Variants in PARP8 observed in about 807,000 individuals in gnomAD.
PARP8 encodes poly(ADP-ribose) polymerase family member 8.
Under a neutral mutation model 124.1 loss-of-function variants are expected in PARP8, and 51 were observed. The observed-to-expected ratio is 0.41, with a 90% CI of 0.33 to 0.52. PARP8 has a LOEUF of 0.52. Ranked by LOEUF, PARP8 falls within the 20% of genes least tolerant of loss-of-function variation. The probability of loss-of-function intolerance (pLI) is 0.21; values close to 1 mark genes in which losing one functional copy is unlikely to be tolerated. For synonymous variants in PARP8, 391 were observed against 361.5 expected (o/e 1.08, Z -0.93); for missense variants, 860 against 1,018.9 (o/e 0.84, Z 2.12).
chr5:50,794,587 C>T (rs776263901), intron 11 of PARP8, among the ~76,000 whole-genome samples: 3 of 151,982 alleles, frequency 2.0e-5, no homozygotes, highest in Non-Finnish European at 2.9e-5. Flanking sequence ...GTTTTTCCTA[C>T]CAAAATTAGT....
chr5:50,710,038 G>A (rs1391008290), intron 2 of PARP8, among the ~76,000 whole-genome samples: 1 of 149,530 alleles, frequency 6.7e-6, no homozygotes, highest in African/African-American at 2.5e-5. Context: ...GTATGTTTGA[G>A]ATGTTTGTGA....
chr5:50,722,796 C>T (rs537089226), intron 2 of PARP8, among the ~76,000 whole-genome samples: 8 of 152,146 alleles, frequency 5.3e-5, no homozygotes, highest in Admixed American at 4.6e-4. Context: ...TCTCTCCTAA[C>T]CCTGTAATGT....
chr5:50,701,774 G>A (rs1753621316), intron 2 of PARP8, among the ~76,000 whole-genome samples: 1 of 152,154 alleles, frequency 6.6e-6, no homozygotes, highest in African/African-American at 2.4e-5. Context: ...AGGGGCTTCA[G>A]ATAGGGTACC....
At chr5:50,677,339 C>T (rs1293778900) in intron 2 of PARP8, among the ~76,000 whole-genome samples, 1 of 151,466 alleles carries the variant, frequency 6.6e-6, no homozygotes, top group Non-Finnish European at 1.5e-5. Context: ...AAAAGTTAGT[C>T]CCTCCAGCTG....
Position 50,764,572 on chromosome 5 carries a change from C to T in PARP8, c.518+1330C>T, listed in dbSNP as rs562074985. On this transcript the variant is annotated intron_variant, in intron 7 of 25. Coordinates refer to ENST00000281631, the MANE Select transcript of PARP8 (RefSeq NM_024615.4). ...ATTGTGTACCCAGGCTGTCTCTGTT[C>T]TATTCATGAAGGTATATTAGGCTAC... Among the ~76,000 whole-genome samples the T allele has an allele frequency of 3.9e-4, 59 of 152,278 alleles. No homozygotes were observed. In the South Asian group the frequency reaches 0.011, roughly 29 times the overall value.
chr5:50,766,086 A>G (rs965035402), intron 7 of PARP8, among the ~76,000 whole-genome samples: 1 of 152,210 alleles, frequency 6.6e-6, no homozygotes, highest in Non-Finnish European at 1.5e-5. Flanking sequence ...AAATCCTGAG[A>G]TTATTGAGGC....
intron 2 of PARP8, among the ~76,000 whole-genome samples, chr5:50,712,468 T>A (rs1348682384): frequency 2.0e-5 from 3 of 152,184 alleles, no homozygotes; most frequent in Non-Finnish European, 4.4e-5. Context: ...TGTGTTAATA[T>A]CAGACAACAT....
intron 2 of PARP8, among the ~76,000 whole-genome samples, chr5:50,720,256 G>A (rs374024384): frequency 1.3e-5 from 2 of 152,044 alleles, no homozygotes; most frequent in Non-Finnish European, 2.9e-5. Context: ...GAAGTAGTAC[G>A]TTTTGGGCCC....
At chr5:50,835,147 T>C in intron 25 of PARP8, 132 bp downstream of exon 25, 1 of 669,330 alleles carries the variant, frequency 1.5e-6, no homozygotes, top group South Asian at 1.9e-5. Flanking sequence ...ACTAATGTTT[T>C]TGTTTTATTT....
chr5:50,826,645 G>A lies in PARP8; in HGVS notation c.1929-110G>A, dbSNP rs1326833993. The A allele has an allele frequency of 4.6e-6, 6 of 1,316,398 alleles. No individual in the cohort carries two copies. In the Admixed American group the frequency reaches 1.9e-4, roughly 42 times the overall value. The allele number at this position is 1,316,398 out of a possible 1,614,324, so 81.5% of individuals were successfully genotyped here. ...TGCGACTAAATGAAATTATTTCCAA[G>A]TTTAGTTTATGGCACAGCAAAAATA... On this transcript the variant is annotated intron_variant, in intron 18 of 25. Transcript: ENST00000281631.
intron 14 of PARP8, among the ~76,000 whole-genome samples, chr5:50,812,760 T>G (rs1471485566): frequency 1.3e-5 from 2 of 152,294 alleles, no homozygotes; most frequent in East Asian, 1.9e-4. Context: ...CATCTTGAAT[T>G]AATTTTTGTA....
At chr5:50,738,464 A>G (rs927926831) in intron 2 of PARP8, among the ~76,000 whole-genome samples, 1 of 152,232 alleles carries the variant, frequency 6.6e-6, no homozygotes, top group Non-Finnish European at 1.5e-5. Context: ...GGTAAAAATC[A>G]TAAAATTAAA....
rs116767798 is a variant in PARP8, at chr5:50,798,731, G to A, written c.1575+1498G>A. 9.2e-3 allele frequency among the ~76,000 whole-genome samples: 1,399 copies of A among 152,104 alleles called. 30 individuals are homozygous for A. Among genetic ancestry groups the A allele is most frequent in the African/African-American group, 0.032 (1,325 of 41,520 alleles). On this transcript the variant is annotated intron_variant, in intron 14 of 25. Transcript: ENST00000281631. ...ACCACCGCGCCTGGCCTGAGCCACCGCACCCGGCCGAAGCAGTTTCTTATT... is the reference window on the plus strand; with the variant it reads ...ACCACCGCGCCTGGCCTGAGCCACCACACCCGGCCGAAGCAGTTTCTTATT...
At chr5:50,795,848 A>G (rs1742482221) in intron 12 of PARP8, among the ~76,000 whole-genome samples, 1 of 152,260 alleles carries the variant, frequency 6.6e-6, no homozygotes, top group Admixed American at 6.5e-5. Context: ...TCAATTATAT[A>G]TAAGAGCACT....
At chr5:50,805,746 A>C (rs1465842570) in intron 14 of PARP8, among the ~76,000 whole-genome samples, 2 of 152,128 alleles carry the variant, frequency 1.3e-5, no homozygotes, top group Non-Finnish European at 2.9e-5. Context: ...ATCATCTGTC[A>C]GATATTTTAT....
intron 2 of PARP8, among the ~76,000 whole-genome samples, chr5:50,676,818 C>T (rs1485393082): frequency 6.6e-6 from 1 of 152,184 alleles, no homozygotes; most frequent in Non-Finnish European, 1.5e-5. Context: ...ATTTCTCAGA[C>T]TTTTTCCACA....
intron 2 of PARP8, chr5:50,744,623 A>G: frequency 1.5e-6 from 1 of 654,934 alleles, no homozygotes; most frequent in African/African-American, 1.8e-5. Context: ...TTCATATAAT[A>G]TATACCAAAC....
chr5:50,752,987 G>A lies in PARP8; in HGVS notation c.184+2799G>A, dbSNP rs191474326. ...TTTTAGTGAAATGAAAATTTAGAGG[G>A]CCTTTGTTGAGTCAGCATATATAAT... On this transcript the variant is annotated intron_variant, in intron 3 of 25. Coordinates refer to ENST00000281631, the MANE Select transcript of PARP8 (RefSeq NM_024615.4). Among the ~76,000 whole-genome samples, 441 of 152,014 alleles carry A rather than the reference G, an allele frequency of 2.9e-3. 1 individual carries two copies. Among genetic ancestry groups the A allele is most frequent in the Non-Finnish European group, 4.2e-3 (282 of 67,914 alleles).
At chr5:50,775,914 A>G (rs913686297) in intron 7 of PARP8, among the ~76,000 whole-genome samples, 4 of 152,172 alleles carry the variant, frequency 2.6e-5, no homozygotes, top group Non-Finnish European at 5.9e-5. Flanking sequence ...TGCTCTGGCT[A>G]GGACATCCAG....
Sources: gnomAD v4.1 joint callset for allele counts (sites outside exome capture counted in the v4.1 genomes callset) on GRCh38, gnomAD v4.1.1 for gene constraint, MANE v1.5 for transcripts, NCBI Gene and HGNC (gene_info 2026-07-23, HGNC 2026-07-21) for gene names.